The following EMC1 variants were observed in gnomAD, a reference collection of about 807,000 sequenced individuals.
EMC1 encodes KIAA0090.
In EMC1, 103 loss-of-function variants were observed where a neutral mutation model predicts 128.8. The ratio of observed to expected loss-of-function variants is 0.80; its 90% CI spans 0.68 to 0.94. The LOEUF is 0.94. Ranked by LOEUF, EMC1 falls within the 40% of genes least tolerant of loss-of-function variation. The pLI is 0.00. For synonymous variants in EMC1, 442 were observed against 490.4 expected, an observed-to-expected ratio of 0.90 and a Z score of 1.30; for missense variants, 1,083 against 1,250.6, an observed-to-expected ratio of 0.87 and a Z score of 2.02.
At chr1:19,244,437 G>C (rs540293412) in intron 2 of EMC1, 1 of 257,874 alleles carries the variant, frequency 3.9e-6, no homozygotes, top group African/African-American at 2.2e-5. Flanking sequence ...TTTGAGACAA[G>C]GTGTTGCTCT....
chr1:19,238,846 G>A lies in EMC1; in HGVS notation c.1038C>T (p.Ser346=). 6.2e-7 allele frequency: 1 copy of A among 1,606,556 alleles called. No individual in the cohort carries two copies. The highest frequency in any genetic ancestry group is 8.5e-7 in the Non-Finnish European group (1 of 1,173,366). ...TCCCCATTGACCCATCTTCAGAACT[G>A]CTACTTTTCTGCTATGAGAAAGAGA... ...MACRNEVQKS[S]SSEDGSMGSF... The change falls in exon 10 of 23, where the codon AGC becomes AGT. Residue 346 remains serine (S), a synonymous_variant. Coordinates refer to ENST00000477853, the MANE Select transcript of EMC1 (RefSeq NM_015047.3).
chr1:19,243,897 G>A (rs750789949), intron 3 of EMC1, 53 bp downstream of exon 3: 1 of 1,591,728 alleles, frequency 6.3e-7, no homozygotes, highest in Non-Finnish European at 8.6e-7. Context: ...AGGAGCCAAG[G>A]AATGGGACAG....
At chr1:19,225,623 G>C (rs916280464) in intron 18 of EMC1, among the ~76,000 whole-genome samples, 2 of 151,994 alleles carry the variant, frequency 1.3e-5, no homozygotes, top group African/African-American at 4.8e-5. Flanking sequence ...CTCCAGCCTG[G>C]TGAAAGAGCA....
At chr1:19,231,051 T>G (rs2151947606) in intron 16 of EMC1, 88 bp from the exon 17 acceptor site, 1 of 1,528,272 alleles carries the variant, frequency 6.5e-7, no homozygotes, top group African/African-American at 1.4e-5. Context: ...ATCAGTTGAT[T>G]TGAACTCAGT....
In EMC1 at chr1:19,220,822, A is replaced by G; in HGVS notation, c.2614T>C (p.Ser872Pro). The change falls in exon 21 of 23, where the codon TCC (serine) becomes CCC (proline). Residue 872 changes from serine (S) to proline (P), a missense_variant. Transcript: ENST00000477853. ...LIGLPSGAIL[S>P]LPKALLDPRR... ...GGATCCAGCAAAGCCTTAGGAAGGGAAAGAATTGCTCCAGAAGGTAGTCCA... is the reference window on the plus strand; with the variant it reads ...GGATCCAGCAAAGCCTTAGGAAGGGGAAGAATTGCTCCAGAAGGTAGTCCA... 2 of 1,613,824 alleles carry G rather than the reference A, an allele frequency of 1.2e-6. No homozygotes were observed. Among genetic ancestry groups the G allele is most frequent in the Non-Finnish European group, 1.7e-6 (2 of 1,179,866 alleles).
chr1:19,242,374 G>A lies in EMC1; in HGVS notation c.480C>T (p.His160=), dbSNP rs1487863817. The A allele has an allele frequency of 1.9e-6, 3 of 1,614,028 alleles. No individual in the cohort carries two copies. Among genetic ancestry groups the A allele is most frequent in the Non-Finnish European group, 2.5e-6 (3 of 1,180,000 alleles). Residue 160 remains histidine, a synonymous_variant, in exon 5 of 23, where the codon CAC becomes CAT. Coordinates refer to ENST00000477853, the MANE Select transcript of EMC1 (RefSeq NM_015047.3). ...TLALHHLSSG[H]LKWVEHLPES... ...CTGGGAGATGTTCCACCCACTTGAG[G>A]TGCCCACTGGAGAGGTGATGGAGGG...
At chr1:19,239,120 C>T (rs2093587847) in intron 9 of EMC1, 111 bp downstream of exon 9, 7 of 1,017,550 alleles carry the variant, frequency 6.9e-6, no homozygotes, top group East Asian at 2.4e-5. Flanking sequence ...GCCTCCTGCC[C>T]GCTGGGTTCA....
chr1:19,241,239 T>A, intron 5 of EMC1, 97 bp from the exon 6 acceptor site: 1 of 1,414,102 alleles, frequency 7.1e-7, no homozygotes. Flanking sequence ...CACAAACTAG[T>A]AATTCCCAAA....
chr1:19,241,903 C>A (rs1443721287), intron 5 of EMC1, among the ~76,000 whole-genome samples: 1 of 152,064 alleles, frequency 6.6e-6, no homozygotes, highest in African/African-American at 2.4e-5. Flanking sequence ...TTGTTCCTTC[C>A]CAATTTCGAT....
chr1:19,223,480 G>A lies in EMC1; in HGVS notation c.2292C>T (p.Gly764=), dbSNP rs751832706. Residue 764 remains glycine, a synonymous_variant, in exon 19 of 23, where the codon GGC becomes GGT. Coordinates refer to ENST00000477853, the MANE Select transcript of EMC1 (RefSeq NM_015047.3). ...AGGAGTGAATGATACGCCCAGTGAC[G>A]CCATCAATGAGGAAGATGCCAATAA... ...RTFIGIFLID[G]VTGRIIHSSV... is the part of the protein sequence containing the mutation. 45 of 1,614,014 alleles carry A rather than the reference G, an allele frequency of 2.8e-5. No homozygotes were observed. Among genetic ancestry groups the A allele is most frequent in the Non-Finnish European group, 3.5e-5 (41 of 1,180,004 alleles).
At chr1:19,227,527 C>T in intron 17 of EMC1, 77 bp from the exon 18 acceptor site, 1 of 1,552,306 alleles carries the variant, frequency 6.4e-7, no homozygotes, top group Non-Finnish European at 8.8e-7. Context: ...ACACATCCTA[C>T]AGTTCATTAT....
rs2093387637 is a variant in EMC1, at chr1:19,216,025, T to G, written c.*3278A>C. The G allele has an allele frequency of 6.6e-6, 1 of 152,052 alleles. No homozygotes were observed. The highest frequency in any genetic ancestry group is 1.5e-5 in the Non-Finnish European group (1 of 68,024). 9.4% of individuals were successfully genotyped at this position (152,052 alleles called of 1,614,324 possible). The stretch of plus-strand genomic sequence containing the variant: ...TTTTAAATAATTAGGAATCAGGAAA[T>G]GAGTCTTGGGATGATTCTGATGATA... On this transcript the variant is annotated 3_prime_UTR_variant, in exon 23 of 23. Transcript: ENST00000477853.
rs35109698 is a variant in EMC1 at position 19,228,205 on chromosome 1, CAAAA to C, written c.2065-759_2065-756del. 3.3e-4 allele frequency among the ~76,000 whole-genome samples: 34 copies of C among 101,900 alleles called. No individual in the cohort carries two copies. In the East Asian group the frequency reaches 8.1e-3, roughly 24 times the overall value. The allele number at this position is 101,900 out of a possible 152,430, so 66.9% of individuals were successfully genotyped here. On this transcript the variant is annotated intron_variant, in intron 17 of 22. Transcript: ENST00000477853. ...GGGCAACAAGAGCGAAACTCCGGCTCAAAAAAAAAAAAAAAAAGATAATAAAGCC... is the reference window on the plus strand; with the variant it reads ...GGGCAACAAGAGCGAAACTCCGGCTCAAAAAAAAAAAAAGATAATAAAGCC...
chr1:19,230,959 G>A lies in EMC1; in HGVS notation c.1949C>T (p.Thr650Ile). The A allele has an allele frequency of 1.2e-6, 2 of 1,614,034 alleles. 1 individual carries two copies. The highest frequency in any genetic ancestry group is 2.2e-5 in the South Asian group (2 of 91,078). ...LLLIDDEYKV[T>I]AFPATRNVLR... Reference sequence around the variant, plus strand: ...GACATTCCGAGTGGCTGGAAAAGCTGTGACCTTGAAAAACCCAGAGAGCCC... The same window carrying A: ...GACATTCCGAGTGGCTGGAAAAGCTATGACCTTGAAAAACCCAGAGAGCCC... The change falls in exon 17 of 23, where the codon ACA becomes ATA. Residue 650 changes from threonine (T) to isoleucine (I), a missense_variant. Physicochemically the swap from Thr to Ile is moderately conservative, Grantham distance 89 (BLOSUM62 -1). Around this residue, in one of 3 missense-constraint regions of EMC1, gnomAD observed 527 missense variants for 644.1 expected, o/e 0.82. Transcript: ENST00000477853.
intron 20 of EMC1, 23 bp downstream of exon 20, chr1:19,222,601 C>G (rs372744180): frequency 9.3e-6 from 15 of 1,610,196 alleles, no homozygotes; most frequent in Non-Finnish European, 1.3e-5. Flanking sequence ...CCCAGCCATC[C>G]CAGAGGCTCC....
At chr1:19,233,252 A>G in intron 13 of EMC1, 117 bp from the exon 14 acceptor site, 1 of 874,780 alleles carries the variant, frequency 1.1e-6, no homozygotes, top group Non-Finnish European at 1.8e-6. Flanking sequence ...TCCACACTCT[A>G]GGCCACAAGC....
chr1:19,231,219 G>A (rs2275403), intron 16 of EMC1, 42 bp downstream of exon 16: 5 of 1,549,866 alleles, frequency 3.2e-6, no homozygotes, highest in Middle Eastern at 2.2e-4. Context: ...GCCCCAAACC[G>A]GACTCCGCTA....
intron 11 of EMC1, among the ~76,000 whole-genome samples, 186 bp downstream of exon 11, chr1:19,237,828 CAAT>C (rs1468909574): frequency 1.5e-4 from 23 of 152,240 alleles, no homozygotes; most frequent in Admixed American, 1.1e-3. Context: ...CCCTGGTGCA[CAAT>C]GATGAGCTGG....
At chr1:19,222,868 G>A (rs748940799) in intron 19 of EMC1, 34 bp from the exon 20 acceptor site, 1 of 1,519,758 alleles carries the variant, frequency 6.6e-7, no homozygotes, top group Non-Finnish European at 9.0e-7. Context: ...TCAGGGCTTA[G>A]CAGCTGCTTC....
Sources: allele counts gnomAD v4.1 joint callset (sites outside exome capture counted in the v4.1 genomes callset), GRCh38; gene constraint gnomAD v4.1.1; regional missense constraint gnomAD v4.1.1; transcripts MANE v1.5; gene names NCBI Gene and HGNC (gene_info 2026-07-23, HGNC 2026-07-21).